The following GAA variants were observed in gnomAD, a reference collection of about 807,000 sequenced individuals.
The protein encoded by GAA is alpha glucosidase, also known as lysosomal alpha-glucosidase.
Under a neutral mutation model 103.9 loss-of-function variants are expected in GAA, and 88 were observed. That is an observed-to-expected ratio of 0.85 (90% confidence interval 0.71 to 1.01). The LOEUF is 1.01. Among genes scored for constraint, GAA ranks in the 50% least tolerant of loss-of-function variants. GAA has a pLI of 0.00. For synonymous variants in GAA, 572 were observed against 563.1 expected (o/e 1.02, Z -0.22); for missense variants, 1,350 against 1,305.3 (o/e 1.03, Z -0.53).
chr17:80,117,213 G>GT, intron 16 of GAA, 104 bp downstream of exon 16: 2 of 1,289,036 alleles, frequency 1.6e-6, no homozygotes, highest in Admixed American at 3.6e-5. Flanking sequence ...AAAGAGGAAC[G>GT]TATGTGTTGA....
chr17:80,107,455 C>A, intron 3 of GAA, 102 bp from the exon 4 acceptor site: 1 of 1,508,492 alleles, frequency 6.6e-7, no homozygotes, highest in South Asian at 1.1e-5. Context: ...CCAGGCCACT[C>A]CGCCCTCCCA....
chr17:80,103,825 C>T (rs1294155495), intron 1 of GAA, among the ~76,000 whole-genome samples: 1 of 152,168 alleles, frequency 6.6e-6, no homozygotes, highest in African/African-American at 2.4e-5. Context: ...CCCTCAGCTG[C>T]GGTGCCCAGG....
chr17:80,118,764 G>A lies in GAA; in HGVS notation c.2758G>A (p.Gly920Ser), dbSNP rs375021198. Reference sequence around the variant, plus strand: ...GGCGCCCCAGCAGGTCCTCTCCAACGGTGTCCCTGTCTCCAACTTCACCTA... The same window carrying A: ...GGCGCCCCAGCAGGTCCTCTCCAACAGTGTCCCTGTCTCCAACTTCACCTA... The part of the protein sequence containing the change: ...ATAPQQVLSN[G>S]VPVSNFTYSP... Residue 920 changes from glycine (G) to serine (S), a missense_variant, in exon 19 of 20, where the codon GGT becomes AGT. Physicochemically the swap from Gly to Ser is moderately conservative, Grantham distance 56. Transcript: ENST00000302262. 1.9e-5 allele frequency: 30 copies of A among 1,613,386 alleles called. No individual in the cohort carries two copies. Among genetic ancestry groups the A allele is most frequent in the Non-Finnish European group, 2.5e-5 (29 of 1,180,038 alleles).
chr17:80,107,575 G>A lies in GAA; in HGVS notation c.711G>A (p.Ala237=), dbSNP rs368328598. The change falls in exon 4 of 20, where the codon GCG becomes GCA. Residue 237 remains alanine, a synonymous_variant. Coordinates refer to ENST00000302262, the MANE Select transcript of GAA (RefSeq NM_000152.5). Reference sequence around the variant, plus strand: ...CCCGCAGGCTGAACACGACGGTGGCGCCCCTGTTCTTTGCGGACCAGTTCC... The same window carrying A: ...CCCGCAGGCTGAACACGACGGTGGCACCCCTGTTCTTTGCGGACCAGTTCC... ...DGRVLLNTTV[A]PLFFADQFLQ... is the part of the protein sequence containing the mutation. 1.8e-5 allele frequency: 29 copies of A among 1,612,920 alleles called. No individual in the cohort carries two copies. The highest frequency in any genetic ancestry group is 1.1e-4 in the African/African-American group (8 of 74,854).
Position 80,101,648 on chromosome 17 carries a change from G to A in GAA, c.-275G>A, listed in dbSNP as rs1239534294. 2 of 151,680 alleles carry A rather than the reference G, an allele frequency of 1.3e-5. No homozygotes were observed. Among genetic ancestry groups the A allele is most frequent in the African/African-American group, 4.8e-5 (2 of 41,384 alleles). 9.4% of individuals were successfully genotyped at this position (151,680 alleles called of 1,614,324 possible). On this transcript the variant is annotated 5_prime_UTR_variant, in exon 1 of 20. Coordinates refer to ENST00000302262, the MANE Select transcript of GAA (RefSeq NM_000152.5). ...GAGGTGAGCCGGGCCGGGGCTGCGGGGCTTCCCTGAGCGCGGGCCGGGTCG... is the reference window on the plus strand; with the variant it reads ...GAGGTGAGCCGGGCCGGGGCTGCGGAGCTTCCCTGAGCGCGGGCCGGGTCG...
chr17:80,108,900 C>G, intron 8 of GAA, 72 bp downstream of exon 8: 3 of 1,494,942 alleles, frequency 2.0e-6, no homozygotes, highest in Non-Finnish European at 2.7e-6. Flanking sequence ...CTCTGTGCAG[C>G]GTCATCCTCG....
In GAA at chr17:80,107,508, C is replaced by T. The variant is rs78855075; in HGVS notation, c.693-49C>T. ...GGTGCTCTCTGGGTGCTCTCAGGCTCGTGTGGCCCCTTGGGTGTGAGCAAG... is the reference window on the plus strand; with the variant it reads ...GGTGCTCTCTGGGTGCTCTCAGGCTTGTGTGGCCCCTTGGGTGTGAGCAAG... On this transcript the variant is annotated intron_variant, in intron 3 of 19. Transcript: ENST00000302262. The T allele has an allele frequency of 0.067, 108,223 of 1,611,454 alleles. 4,317 individuals carry two copies. The highest frequency in any genetic ancestry group is 0.16 in the African/African-American group (12,103 of 74,976).
chr17:80,104,945 C>G lies in GAA; in HGVS notation c.359C>G (p.Ala120Gly), dbSNP rs779208773. ...YIPAKQGLQGAQMGQPWCFFP... is the reference protein window; with the variant it reads ...YIPAKQGLQGGQMGQPWCFFP... ...CCTGCAAAGCAGGGGCTGCAGGGAGCCCAGATGGGGCAGCCCTGGTGCTTC... is the reference window on the plus strand; with the variant it reads ...CCTGCAAAGCAGGGGCTGCAGGGAGGCCAGATGGGGCAGCCCTGGTGCTTC... Residue 120 changes from alanine to glycine, a missense_variant, in exon 2 of 20, where the codon GCC (alanine) becomes GGC (glycine). Ala to Gly is a moderately conservative substitution (Grantham distance 60). Coordinates refer to ENST00000302262, the MANE Select transcript of GAA (RefSeq NM_000152.5). This position sits in a 1 kb window ranked among gnomAD's most constrained non-coding sequence, Gnocchi z 4.0. 5.2e-5 allele frequency: 84 copies of G among 1,612,260 alleles called. No individual in the cohort carries two copies. Among genetic ancestry groups the G allele is most frequent in the Non-Finnish European group, 6.9e-5 (81 of 1,179,788 alleles).
rs1219851042 is a variant in GAA at position 80,119,595 on chromosome 17, G to A, written c.*264G>A. 9.1e-5 allele frequency: 44 copies of A among 483,318 alleles called. No individual in the cohort carries two copies. The East Asian group carries it at 1.6e-3, about 18-fold the overall frequency. 29.9% of individuals were successfully genotyped at this position (483,318 alleles called of 1,614,324 possible). On this transcript the variant is annotated 3_prime_UTR_variant, in exon 20 of 20. Transcript: ENST00000302262. Reference sequence around the variant, plus strand: ...TGCTCTGTGTTAATAAGATTGTAAGGTTTGCCCTCCTCACCTGTTGCCGGC... The same window carrying A: ...TGCTCTGTGTTAATAAGATTGTAAGATTTGCCCTCCTCACCTGTTGCCGGC...
chr17:80,108,366 C>T lies in GAA; in HGVS notation c.1032C>T (p.Gly344=). The T allele has an allele frequency of 6.2e-7, 1 of 1,613,606 alleles. No homozygotes were observed. The highest frequency in any genetic ancestry group is 1.1e-5 in the South Asian group (1 of 91,090). Residue 344 remains glycine (G), a synonymous_variant, in exon 6 of 20, where the codon GGC becomes GGT. Coordinates refer to ENST00000302262, the MANE Select transcript of GAA (RefSeq NM_000152.5). Reference sequence around the variant, plus strand: ...TCCTGGATGTCTACATCTTCCTGGGCCCAGAGCCCAAGAGCGTGGTGCAGC... The same window carrying T: ...TCCTGGATGTCTACATCTTCCTGGGTCCAGAGCCCAAGAGCGTGGTGCAGC... ...GGILDVYIFL[G]PEPKSVVQQY...
chr17:80,117,941 C>T (rs963818876), intron 17 of GAA, among the ~76,000 whole-genome samples, 192 bp downstream of exon 17: 1 of 152,150 alleles, frequency 6.6e-6, no homozygotes, highest in African/African-American at 2.4e-5. Flanking sequence ...TGGAGCATGG[C>T]CGGCAGGAGC....
chr17:80,118,192 G>A lies in GAA; in HGVS notation c.2482-1G>A. On this transcript the variant is annotated splice_acceptor_variant, in intron 17 of 19. Transcript: ENST00000302262. LOFTEE classifies it high-confidence loss of function. ...GACATCACGTGTCCTTCCCTTTCCA[G>A]GGCCCTGGCCTCACAACCACAGAGT... The A allele has an allele frequency of 6.2e-7, 1 of 1,612,968 alleles. No homozygotes were observed. The highest frequency in any genetic ancestry group is 8.5e-7 in the Non-Finnish European group (1 of 1,179,804).
chr17:80,108,659 C>T, intron 7 of GAA, 38 bp from the exon 8 acceptor site: 1 of 1,612,712 alleles, frequency 6.2e-7, no homozygotes, highest in Non-Finnish European at 8.5e-7. Flanking sequence ...GACGCGTCTC[C>T]TCAGGCCCCA....
intron 3 of GAA, among the ~76,000 whole-genome samples, chr17:80,106,264 C>T (rs1418101331): frequency 1.4e-5 from 2 of 147,898 alleles, no homozygotes; most frequent in African/African-American, 5.0e-5. Flanking sequence ...CCCTCCGTGC[C>T]GGGTGGTTTG....
chr17:80,107,491 C>G, intron 3 of GAA, 66 bp from the exon 4 acceptor site: 1 of 1,607,060 alleles, frequency 6.2e-7, no homozygotes. Flanking sequence ...GGGGTGCTCT[C>G]TGGGTGCTCT....
Position 80,117,699 on chromosome 17 carries a change from CT to C in GAA, c.2432del (p.Leu811ArgfsTer37), listed in dbSNP as rs766560578. On this transcript the variant is annotated frameshift_variant, in exon 17 of 20. Coordinates refer to ENST00000302262, the MANE Select transcript of GAA (RefSeq NM_000152.5). LOFTEE classifies it high-confidence loss of function. ...EGQWVTLPAP[L>X]DTINVHLRAG... ...GCAGTGGGTGACGCTGCCGGCCCCC[CT>C]GGACACCATCAACGTCCACCTCCGG... is the stretch of plus-strand genomic sequence containing the variant. 1.9e-6 allele frequency: 3 copies of C among 1,612,406 alleles called. No homozygotes were observed. The highest frequency in any genetic ancestry group is 1.7e-6 in the Non-Finnish European group (2 of 1,179,884).
chr17:80,114,074 A>G (rs2039310891), intron 15 of GAA, among the ~76,000 whole-genome samples: 1 of 151,312 alleles, frequency 6.6e-6, no homozygotes, highest in South Asian at 2.1e-4. Context: ...TCTCTGGGGA[A>G]AGGTTTCATT....
intron 5 of GAA, 104 bp from the exon 6 acceptor site, chr17:80,108,186 G>C: frequency 1.3e-6 from 2 of 1,592,806 alleles, no homozygotes; most frequent in Admixed American, 3.3e-5. Flanking sequence ...GCTCCTCGTG[G>C]GGAGAGAGCC....
Position 80,104,711 on chromosome 17 carries a change from T to G in GAA, c.125T>G (p.Leu42Arg). 1 of 1,612,970 alleles carries G rather than the reference T, an allele frequency of 6.2e-7. No individual in the cohort carries two copies. The highest frequency in any genetic ancestry group is 1.7e-4 in the Middle Eastern group (1 of 6,060). Residue 42 changes from leucine to arginine, a missense_variant, in exon 2 of 20, where the codon CTG becomes CGG. Coordinates refer to ENST00000302262, the MANE Select transcript of GAA (RefSeq NM_000152.5). The surrounding 1 kb of genome is among the most constrained non-coding windows in gnomAD (Gnocchi z 4.0). ...GATTTCCTGCTGGTTCCCCGAGAGCTGAGTGGCTCCTCCCCAGTCCTGGAG... is the reference window on the plus strand; with the variant it reads ...GATTTCCTGCTGGTTCCCCGAGAGCGGAGTGGCTCCTCCCCAGTCCTGGAG... ...LHDFLLVPRE[L>R]SGSSPVLEET...
Sources: allele counts gnomAD v4.1 joint callset (sites outside exome capture counted in the v4.1 genomes callset), GRCh38; gene constraint gnomAD v4.1.1; non-coding constraint Gnocchi (gnomAD v3.1); transcripts MANE v1.5; gene names NCBI Gene and HGNC (gene_info 2026-07-23, HGNC 2026-07-21).